NRXN1: variants seen among roughly 807,000 people sequenced by gnomAD.
NRXN1 encodes neurexin 1.
Under a neutral mutation model 150.9 loss-of-function variants are expected in NRXN1, and 39 were observed. That is an observed-to-expected ratio of 0.26 (90% CI 0.20 to 0.34). The LOEUF is 0.34. NRXN1 is among the 10% of genes least tolerant of loss of function. The pLI is 1.00. For synonymous variants in NRXN1, 924 were observed against 757.0 expected (o/e 1.22, Z -3.62); for missense variants, 1,815 against 1,949.9 (o/e 0.93, Z 1.30).
intron 21 of NRXN1, among the ~76,000 whole-genome samples, chr2:50,048,432 A>C (rs1446722638): frequency 2.0e-5 from 3 of 152,126 alleles, no homozygotes; most frequent in Non-Finnish European, 4.4e-5. Flanking sequence ...GTTACAGCTA[A>C]GGTTAATTAA....
At chr2:50,208,175 A>T (rs2062751324) in intron 18 of NRXN1, among the ~76,000 whole-genome samples, 1 of 152,020 alleles carries the variant, frequency 6.6e-6, no homozygotes, top group Non-Finnish European at 1.5e-5. Context: ...TTTCCACTCA[A>T]CCACTTTTGC....
At chr2:50,405,759 A>G (rs1335329213) in intron 17 of NRXN1, among the ~76,000 whole-genome samples, 1 of 152,144 alleles carries the variant, frequency 6.6e-6, no homozygotes, top group Non-Finnish European at 1.5e-5. Context: ...ACAGTGCTTT[A>G]ATTTCCTGAG....
At chr2:50,573,173 C>A (rs1212124434) in intron 8 of NRXN1, among the ~76,000 whole-genome samples, 1 of 151,928 alleles carries the variant, frequency 6.6e-6, no homozygotes, top group Non-Finnish European at 1.5e-5. Flanking sequence ...AGTTCGAGAC[C>A]AGCCTAGGCA....
At chr2:50,585,046 T>G (rs999599687) in intron 8 of NRXN1, among the ~76,000 whole-genome samples, 2 of 152,100 alleles carry the variant, frequency 1.3e-5, no homozygotes, top group Admixed American at 1.3e-4. Context: ...TCCCTAAGAA[T>G]AAATTTACAT....
intron 5 of NRXN1, among the ~76,000 whole-genome samples, chr2:50,710,255 G>A (rs910875260): frequency 1.3e-5 from 2 of 152,076 alleles, no homozygotes; most frequent in Non-Finnish European, 2.9e-5. Context: ...AACTGCCAAA[G>A]GGCCTTGATA....
At position 49,935,887 on chromosome 2, in the gene NRXN1, A is replaced by G. The variant is rs149847178; in HGVS notation, c.4216+7817T>C. Among the ~76,000 whole-genome samples the G allele has an allele frequency of 8.6e-3, 1,312 of 152,300 alleles. 18 individuals carry two copies. Among genetic ancestry groups the G allele is most frequent in the African/African-American group, 0.028 (1,151 of 41,544 alleles). On this transcript the variant is annotated intron_variant, in intron 22 of 22. Transcript: ENST00000401669. ...CCTTATATTTTTCTAAACCTGTGCT[A>G]CATTCCTCCCTTCAAGGTGGTTAAA...
At chr2:50,552,555 A>G in intron 9 of NRXN1, 32 bp downstream of exon 9, 2 of 1,537,812 alleles carry the variant, frequency 1.3e-6, no homozygotes, top group Non-Finnish European at 1.8e-6. Flanking sequence ...GTGCTCCAGC[A>G]GATAAACAGC....
intron 5 of NRXN1, among the ~76,000 whole-genome samples, chr2:50,703,269 G>C (rs1181560802): frequency 6.6e-6 from 1 of 152,016 alleles, no homozygotes; most frequent in African/African-American, 2.4e-5. Flanking sequence ...AGGGGAGAAA[G>C]ACTAAAATGT....
chr2:50,700,608 T>C (rs768829412), intron 5 of NRXN1, among the ~76,000 whole-genome samples: 2 of 152,202 alleles, frequency 1.3e-5, no homozygotes, highest in African/African-American at 4.8e-5. Context: ...TTCTATAGCA[T>C]AGACTATTAA....
intron 19 of NRXN1, among the ~76,000 whole-genome samples, chr2:50,083,306 G>GA (rs1392673194): frequency 6.6e-6 from 1 of 152,170 alleles, no homozygotes; most frequent in Non-Finnish European, 1.5e-5. Flanking sequence ...ACAACTCTTA[G>GA]AAAACATCTG....
chr2:49,931,765 G>A (rs1213922123), intron 22 of NRXN1, among the ~76,000 whole-genome samples: 2 of 152,046 alleles, frequency 1.3e-5, no homozygotes, highest in Non-Finnish European at 2.9e-5. Flanking sequence ...TTGAAATGTG[G>A]ATGATACTCC....
chr2:50,375,742 G>A (rs913376883), intron 17 of NRXN1, among the ~76,000 whole-genome samples: 3 of 151,434 alleles, frequency 2.0e-5, no homozygotes, highest in East Asian at 2.0e-4. Flanking sequence ...GTAATAATGC[G>A]ATATGATATA....
intron 19 of NRXN1, among the ~76,000 whole-genome samples, chr2:50,088,718 G>A (rs1026181433): frequency 6.6e-6 from 1 of 152,056 alleles, no homozygotes; most frequent in African/African-American, 2.4e-5. Context: ...GGTACTATAT[G>A]TGTTAAACAA....
intron 5 of NRXN1, among the ~76,000 whole-genome samples, chr2:50,824,604 G>A (rs1480050419): frequency 1.3e-5 from 2 of 152,108 alleles, no homozygotes; most frequent in East Asian, 3.9e-4. Flanking sequence ...TGGCCTAAGG[G>A]CTAAACAAAT....
At chr2:50,882,856 A>C (rs1195649797) in intron 5 of NRXN1, among the ~76,000 whole-genome samples, 1 of 151,864 alleles carries the variant, frequency 6.6e-6, no homozygotes, top group African/African-American at 2.4e-5. Flanking sequence ...TTATACATAC[A>C]AAAGTGTCAG....
chr2:50,719,534 T>C (rs1480149789), intron 5 of NRXN1, among the ~76,000 whole-genome samples: 1 of 151,570 alleles, frequency 6.6e-6, no homozygotes, highest in South Asian at 2.1e-4. Context: ...AAATTAGCCA[T>C]GCATGGTGGC....
At chr2:50,535,964 G>A (rs2093248230) in intron 10 of NRXN1, among the ~76,000 whole-genome samples, 2 of 152,170 alleles carry the variant, frequency 1.3e-5, no homozygotes, top group African/African-American at 4.8e-5. Context: ...CTTAAAAAAA[G>A]AAACTTCAAG....
intron 5 of NRXN1, chr2:50,912,396 T>TGGTA (rs1280691709): frequency 2.0e-5 from 3 of 151,932 alleles, no homozygotes; most frequent in Non-Finnish European, 4.4e-5. Flanking sequence ...TGATTTAAGA[T>TGGTA]GGTACCAAAA....
intron 4 of NRXN1, 117 bp from the exon 5 acceptor site, chr2:50,921,997 TAAAC>T: frequency 2.0e-6 from 1 of 499,154 alleles, no homozygotes; most frequent in Non-Finnish European, 3.5e-6. Flanking sequence ...CTCTGAAAAT[TAAAC>T]AAGACATGAA....
Sources: allele counts gnomAD v4.1 joint callset (sites outside exome capture counted in the v4.1 genomes callset), GRCh38; gene constraint gnomAD v4.1.1; transcripts MANE v1.5; gene names NCBI Gene and HGNC (gene_info 2026-07-23, HGNC 2026-07-21).